Variants in PIBF1 observed in about 807,000 individuals in gnomAD.
The protein encoded by PIBF1 is progesterone immunomodulatory binding factor 1.
PIBF1 carries 90 observed loss-of-function variants against 112.5 expected under a neutral mutation model. The observed-to-expected ratio is 0.80, with a 90% CI of 0.67 to 0.95. The LOEUF is 0.95. PIBF1 is among the 40% of genes least tolerant of loss of function. PIBF1 has a pLI of 0.00. For synonymous variants in PIBF1, 301 were observed against 288.6 expected (o/e 1.04, Z -0.44); for missense variants, 915 against 852.3 (o/e 1.07, Z -0.92).
rs1257519835 is a variant in PIBF1 at position 72,931,159 on chromosome 13, G to A, written c.1731-6G>A. Reference sequence around the variant, plus strand: ...AAGCATTAATTTTCTTATTTCATTTGCCTAGTGTTCACTTGGCAAGAAGAG... The same window carrying A: ...AAGCATTAATTTTCTTATTTCATTTACCTAGTGTTCACTTGGCAAGAAGAG... On this transcript the variant is annotated splice_region_variant and splice_polypyrimidine_tract_variant and intron_variant, in intron 13 of 17. Coordinates refer to ENST00000326291, the MANE Select transcript of PIBF1 (RefSeq NM_006346.4). 4 of 1,567,534 alleles carry A rather than the reference G, an allele frequency of 2.6e-6. No individual in the cohort carries two copies. Among genetic ancestry groups the A allele is most frequent in the Non-Finnish European group, 3.5e-6 (4 of 1,142,096 alleles).
At chr13:72,927,994 C>CATATATATATAT (rs1555316933) in intron 13 of PIBF1, among the ~76,000 whole-genome samples, 8 of 79,948 alleles carry the variant, frequency 1.0e-4, no homozygotes, top group African/African-American at 5.1e-4. Flanking sequence ...TATATACACA[C>CATATATATATAT]ACATATATAT....
At chr13:72,971,470 A>G (rs1412867628) in intron 15 of PIBF1, among the ~76,000 whole-genome samples, 1 of 151,938 alleles carries the variant, frequency 6.6e-6, no homozygotes, top group Non-Finnish European at 1.5e-5. Context: ...TTTCCTTTAT[A>G]CTGTTTTGTT....
chr13:72,827,889 A>T lies in PIBF1; in HGVS notation c.1072A>T (p.Met358Leu). ...AGAAAGCAAAAAGGCTAGAGAAGAG[A>T]TGTATGAAAAATATGTAGCATCCAG... ...LEESKKAREE[M>L]YEKYVASRDH... The change falls in exon 8 of 18, where the codon ATG becomes TTG. Residue 358 changes from methionine to leucine, a missense_variant. Transcript: ENST00000326291. 2 of 1,580,612 alleles carry T rather than the reference A, an allele frequency of 1.3e-6. No individual in the cohort carries two copies. Among genetic ancestry groups the T allele is most frequent in the Non-Finnish European group, 1.7e-6 (2 of 1,163,104 alleles).
At chr13:72,850,814 G>A (rs1431186192) in intron 9 of PIBF1, among the ~76,000 whole-genome samples, 1 of 152,136 alleles carries the variant, frequency 6.6e-6, no homozygotes, top group Non-Finnish European at 1.5e-5. Context: ...TTTGAGAATA[G>A]AATATTTTTG....
chr13:73,001,726 T>C (rs538279340), intron 17 of PIBF1, among the ~76,000 whole-genome samples: 87 of 151,252 alleles, frequency 5.8e-4, no homozygotes, highest in Middle Eastern at 6.8e-3. Flanking sequence ...CAGGTTCAAG[T>C]GATTCTCCTG....
At chr13:73,014,493 CTGTCTATAGACATT>C (rs2044324516) in intron 17 of PIBF1, among the ~76,000 whole-genome samples, 1 of 152,156 alleles carries the variant, frequency 6.6e-6, no homozygotes, top group Non-Finnish European at 1.5e-5. Context: ...TGGTGGATGC[CTGTCTATAGACATT>C]TGTCCAAACC....
intron 16 of PIBF1, among the ~76,000 whole-genome samples, chr13:72,975,525 A>G (rs539436900): frequency 6.6e-6 from 1 of 152,340 alleles, no homozygotes; most frequent in South Asian, 2.1e-4. Context: ...AGATGGTGTC[A>G]GAAGAATTGG....
At chr13:72,855,293 A>G (rs992818671) in intron 10 of PIBF1, among the ~76,000 whole-genome samples, 4 of 152,188 alleles carry the variant, frequency 2.6e-5, no homozygotes. Context: ...AATTCACATC[A>G]ACTTTATAAA....
intron 17 of PIBF1, among the ~76,000 whole-genome samples, chr13:73,002,699 A>G (rs1419097064): frequency 1.3e-5 from 2 of 152,092 alleles, no homozygotes; most frequent in Non-Finnish European, 2.9e-5. Flanking sequence ...AAAACAAAAA[A>G]GAGCTTGGGC....
intron 10 of PIBF1, among the ~76,000 whole-genome samples, chr13:72,858,436 A>G (rs899362024): frequency 2.6e-5 from 4 of 152,138 alleles, no homozygotes; most frequent in Admixed American, 1.3e-4. Flanking sequence ...TATATATACC[A>G]CCTTATTTAC....
At chr13:72,824,344 A>G (rs2036703355) in intron 6 of PIBF1, among the ~76,000 whole-genome samples, 1 of 152,072 alleles carries the variant, frequency 6.6e-6, no homozygotes, top group South Asian at 2.1e-4. Flanking sequence ...TTCCAATTCA[A>G]CACTGCAACA....
chr13:72,943,217 G>A (rs985919693), intron 14 of PIBF1, among the ~76,000 whole-genome samples: 1 of 152,110 alleles, frequency 6.6e-6, no homozygotes, highest in Non-Finnish European at 1.5e-5. Context: ...GTGAAGATGG[G>A]GAATGAAGAG....
chr13:72,796,314 A>AGAGTGGC (rs2035193857), intron 4 of PIBF1, among the ~76,000 whole-genome samples: 1 of 152,148 alleles, frequency 6.6e-6, no homozygotes, highest in African/African-American at 2.4e-5. Context: ...AAAGGATCTC[A>AGAGTGGC]GAGTGGCGAG....
intron 1 of PIBF1, among the ~76,000 whole-genome samples, chr13:72,782,982 C>G (rs1463844498): frequency 1.3e-5 from 2 of 151,636 alleles, no homozygotes; most frequent in Non-Finnish European, 2.9e-5. Context: ...CTTCCACTTA[C>G]GTATCATTAA....
At chr13:73,010,558 G>A (rs1438375971) in intron 17 of PIBF1, among the ~76,000 whole-genome samples, 2 of 151,848 alleles carry the variant, frequency 1.3e-5, no homozygotes, top group African/African-American at 2.4e-5. Flanking sequence ...GGCCGAGATT[G>A]CGTGACTGCA....
intron 15 of PIBF1, among the ~76,000 whole-genome samples, chr13:72,969,936 T>G (rs957147229): frequency 4.6e-5 from 7 of 152,218 alleles, no homozygotes; most frequent in Non-Finnish European, 8.8e-5. Context: ...CGTTATCAAG[T>G]TATTATGTTC....
intron 14 of PIBF1, among the ~76,000 whole-genome samples, chr13:72,933,403 T>C (rs1465371079): frequency 6.6e-6 from 1 of 152,262 alleles, no homozygotes. Flanking sequence ...GGCTCATGCC[T>C]GTAATCCCAG....
chr13:73,012,215 A>C (rs1400963126), intron 17 of PIBF1, among the ~76,000 whole-genome samples: 1 of 152,020 alleles, frequency 6.6e-6, no homozygotes, highest in Non-Finnish European at 1.5e-5. Context: ...AGCTGGGTGT[A>C]GTGGCAGGCA....
At chr13:72,994,415 C>G (rs552324578) in intron 16 of PIBF1, among the ~76,000 whole-genome samples, 37 of 152,246 alleles carry the variant, frequency 2.4e-4, no homozygotes, top group Non-Finnish European at 4.4e-5. Flanking sequence ...CAAATAGGAA[C>G]CTAAATCAAT....
Sources: allele counts gnomAD v4.1 joint callset (sites outside exome capture counted in the v4.1 genomes callset), GRCh38; gene constraint gnomAD v4.1.1; transcripts MANE v1.5; gene names NCBI Gene and HGNC (gene_info 2026-07-23, HGNC 2026-07-21).